ABCB10: variants seen among roughly 807,000 people sequenced by gnomAD.
ABCB10 encodes the protein ATP binding cassette subfamily B member 10, also known as ATP-binding cassette sub-family B member 10, mitochondrial.
In ABCB10, 54 loss-of-function variants were observed where a neutral mutation model predicts 65.4. The observed-to-expected ratio is 0.83, with a 90% CI of 0.66 to 1.04. The LOEUF (loss-of-function observed/expected upper bound fraction) is 1.04, where lower values mean the gene tolerates loss of function less well. Ranked by LOEUF, ABCB10 falls within the 50% of genes least tolerant of loss-of-function variation. The probability of loss-of-function intolerance (pLI) is 0.00; values close to 1 mark genes in which losing one functional copy is unlikely to be tolerated. For missense variants in ABCB10, 846 were observed against 976.6 expected, an observed-to-expected ratio of 0.87 and a Z score of 1.78; for synonymous variants, 418 against 406.5, an observed-to-expected ratio of 1.03 and a Z score of -0.34.
intron 1 of ABCB10, among the ~76,000 whole-genome samples, chr1:229,552,565 T>C (rs552517205): frequency 1.3e-5 from 2 of 152,338 alleles, no homozygotes; most frequent in East Asian, 1.9e-4. Context: ...TGCAGATTGC[T>C]GGACAACAGC....
chr1:229,542,097 G>T, intron 4 of ABCB10, 140 bp downstream of exon 4: 1 of 1,158,674 alleles, frequency 8.6e-7, no homozygotes, highest in Non-Finnish European at 1.2e-6. Flanking sequence ...AAGTTTCATG[G>T]ATCTTGGGGT....
At chr1:229,523,070 T>C (rs1662355047) in intron 10 of ABCB10, among the ~76,000 whole-genome samples, 1 of 152,146 alleles carries the variant, frequency 6.6e-6, no homozygotes, top group Non-Finnish European at 1.5e-5. Context: ...GAGGAAAAAA[T>C]AGTAATATGT....
intron 4 of ABCB10, 72 bp downstream of exon 4, chr1:229,542,165 G>GGATCT: frequency 3.2e-6 from 5 of 1,547,062 alleles, no homozygotes; most frequent in Non-Finnish European, 4.3e-6. Flanking sequence ...ACATCCCTTA[G>GGATCT]GATCTGCCCT....
chr1:229,546,436 C>T (rs1224739650), intron 3 of ABCB10, among the ~76,000 whole-genome samples: 1 of 152,078 alleles, frequency 6.6e-6, no homozygotes, highest in Non-Finnish European at 1.5e-5. Flanking sequence ...GTGTGGGCTT[C>T]AGTGTCCCAA....
At position 229,558,302 on chromosome 1, in the gene ABCB10, C is replaced by A; in HGVS notation, c.351G>T (p.Arg117=). ...CAGCGGCTGCGGGACCGCCCGGGAACCGGGCGCGCGGGAGCCGAGGAGCGC... is the reference window on the plus strand; with the variant it reads ...CAGCGGCTGCGGGACCGCCCGGGAAACGGGCGCGCGGGAGCCGAGGAGCGC... The part of the protein sequence containing the change: ...GPGAPRLPRA[R]FPGGPAAAAW... Residue 117 remains arginine (R), a synonymous_variant, in exon 1 of 13, where the codon CGG becomes CGT. Transcript: ENST00000344517. 2 of 1,235,518 alleles carry A rather than the reference C, an allele frequency of 1.6e-6. No individual in the cohort carries two copies. The highest frequency in any genetic ancestry group is 2.7e-5 in the South Asian group (1 of 36,544). The allele number at this position is 1,235,518 out of a possible 1,614,324, so 76.5% of individuals were successfully genotyped here. A position where few individuals can be genotyped will look rare whatever the true frequency, so the allele number is the denominator to read the frequency against.
At chr1:229,526,219 G>C in intron 9 of ABCB10, 103 bp from the exon 10 acceptor site, 1 of 1,230,270 alleles carries the variant, frequency 8.1e-7, no homozygotes, top group South Asian at 1.6e-5. Context: ...GTTTTGCCAT[G>C]AACAGGATTT....
chr1:229,558,310 G>C lies in ABCB10; in HGVS notation c.343C>G (p.Arg115Gly). 5.7e-6 allele frequency: 7 copies of C among 1,238,100 alleles called. No individual in the cohort carries two copies. In the South Asian group the frequency reaches 1.8e-4, roughly 32 times the overall value. The allele number at this position is 1,238,100 out of a possible 1,614,324, so 76.7% of individuals were successfully genotyped here. ...FAGPGAPRLP[R>G]ARFPGGPAAA... ...GCGGGACCGCCCGGGAACCGGGCGC[G>C]CGGGAGCCGAGGAGCGCCTGGCCCG... Residue 115 changes from arginine (R) to glycine (G), a missense_variant, in exon 1 of 13, where the codon CGC (arginine) becomes GGC (glycine). This residue lies in a region of ABCB10 where 632 missense variants were observed against 803.2 expected (regional missense o/e 0.79). Transcript: ENST00000344517.
intron 3 of ABCB10, among the ~76,000 whole-genome samples, chr1:229,545,370 G>A (rs1217504255): frequency 6.6e-6 from 1 of 152,104 alleles, no homozygotes; most frequent in East Asian, 1.9e-4. Context: ...GTGCTTCATG[G>A]GACACAAAGG....
chr1:229,540,876 T>C lies in ABCB10; in HGVS notation c.1057-124A>G, dbSNP rs146589336. 19 of 1,151,220 alleles carry C rather than the reference T, an allele frequency of 1.7e-5. No individual in the cohort carries two copies. In the Admixed American group the frequency reaches 2.7e-4, roughly 16 times the overall value. The allele number at this position is 1,151,220 out of a possible 1,614,324, so 71.3% of individuals were successfully genotyped here. On this transcript the variant is annotated intron_variant, in intron 4 of 12. Transcript: ENST00000344517. Reference sequence around the variant, plus strand: ...AGAAAGAAAAGAAAAGAAATAGTGATAGTAAGAAGTGAGAACTCCACAAAA... The same window carrying C: ...AGAAAGAAAAGAAAAGAAATAGTGACAGTAAGAAGTGAGAACTCCACAAAA...
intron 6 of ABCB10, among the ~76,000 whole-genome samples, chr1:229,534,104 A>G (rs989260320): frequency 6.6e-6 from 1 of 152,258 alleles, no homozygotes; most frequent in African/African-American, 2.4e-5. Flanking sequence ...TTACTTAAAA[A>G]TGGTCAAAAG....
rs147513795 is a variant in ABCB10 at position 229,534,079 on chromosome 1, C to T, written c.1340-2348G>A. Among the ~76,000 whole-genome samples the T allele has an allele frequency of 1.7e-4, 26 of 152,248 alleles. 2 individuals are homozygous for T. The South Asian group carries it at 2.5e-3, about 15-fold the overall frequency. Reference sequence around the variant, plus strand: ...GAAGAACTCTTAAAACTCAACAATACGGAAACATGAAGACTTACTTAAAAA... The same window carrying T: ...GAAGAACTCTTAAAACTCAACAATATGGAAACATGAAGACTTACTTAAAAA... On this transcript the variant is annotated intron_variant, in intron 6 of 12. Transcript: ENST00000344517.
intron 8 of ABCB10, among the ~76,000 whole-genome samples, chr1:229,529,294 T>TC: frequency 1.3e-4 from 1 of 7,734 alleles, no homozygotes; most frequent in Non-Finnish European, 2.2e-4. Flanking sequence ...AGACTCCGTC[T>TC]CAAAAAAAAA....
intron 3 of ABCB10, among the ~76,000 whole-genome samples, chr1:229,544,792 G>A (rs1662930845): frequency 6.6e-6 from 1 of 152,188 alleles, no homozygotes; most frequent in Admixed American, 6.5e-5. Flanking sequence ...AATAGGATTA[G>A]TGTCCTTATA....
chr1:229,519,970 A>T (rs898830921), intron 11 of ABCB10, among the ~76,000 whole-genome samples: 62 of 151,378 alleles, frequency 4.1e-4, no homozygotes, highest in African/African-American at 1.4e-3. Flanking sequence ...TACCAAAAAA[A>T]TTTTTTTTTA....
intron 11 of ABCB10, among the ~76,000 whole-genome samples, chr1:229,519,356 T>C (rs1662248687): frequency 6.6e-6 from 1 of 152,214 alleles, no homozygotes; most frequent in African/African-American, 2.4e-5. Flanking sequence ...TTAGAGACTA[T>C]TTTAAATGAT....
intron 6 of ABCB10, 117 bp from the exon 7 acceptor site, chr1:229,531,848 T>G: frequency 1.4e-6 from 1 of 733,764 alleles, no homozygotes; most frequent in Non-Finnish European, 2.1e-6. Flanking sequence ...TATTAATATT[T>G]TCAAAAAACA....
At chr1:229,542,100 C>G in intron 4 of ABCB10, 137 bp downstream of exon 4, 1 of 1,173,866 alleles carries the variant, frequency 8.5e-7, no homozygotes. Context: ...TTTCATGGAT[C>G]TTGGGGTAAT....
intron 2 of ABCB10, among the ~76,000 whole-genome samples, 200 bp downstream of exon 2, chr1:229,549,032 GAA>G (rs944891920): frequency 2.6e-5 from 4 of 152,204 alleles, no homozygotes; most frequent in African/African-American, 9.7e-5. Context: ...AACTATAAAA[GAA>G]GAGTTGAGAG....
In ABCB10 at chr1:229,531,734, G is replaced by A. The variant is rs759510699; in HGVS notation, c.1340-3C>T. 6.2e-7 allele frequency: 1 copy of A among 1,613,310 alleles called. No homozygotes were observed. The highest frequency in any genetic ancestry group is 1.1e-5 in the South Asian group (1 of 91,018). ...CTCCGAGTAGAAAGAGCTCAGACCT[G>A]AGGATGAGAAGCAGAATCCACACAC... On this transcript the variant is annotated splice_region_variant and splice_polypyrimidine_tract_variant and intron_variant, in intron 6 of 12. Transcript: ENST00000344517.
Sources: allele counts gnomAD v4.1 joint callset (sites outside exome capture counted in the v4.1 genomes callset), GRCh38; gene constraint gnomAD v4.1.1; regional missense constraint gnomAD v4.1.1; transcripts MANE v1.5; gene names NCBI Gene and HGNC (gene_info 2026-07-23, HGNC 2026-07-21).